KIF24: variants seen among roughly 807,000 people sequenced by gnomAD.
The protein encoded by KIF24 is kinesin-like protein KIF24.
In KIF24, 81 loss-of-function variants were observed where a neutral mutation model predicts 118.9. That is an observed-to-expected ratio of 0.68 (90% CI 0.57 to 0.82). The LOEUF (loss-of-function observed/expected upper bound fraction) is 0.82. Among genes scored for constraint, KIF24 ranks in the 40% least tolerant of loss-of-function variants. The pLI, the probability that KIF24 is intolerant of heterozygous loss-of-function variation, is 0.00. For missense variants in KIF24, 1,560 were observed against 1,661.6 expected (o/e 0.94, Z 1.06); for synonymous variants, 599 against 610.0 (o/e 0.98, Z 0.27).
intron 6 of KIF24, among the ~76,000 whole-genome samples, chr9:34,279,394 C>T (rs750787342): frequency 1.2e-4 from 19 of 152,148 alleles, no homozygotes; most frequent in Non-Finnish European, 1.3e-4. Context: ...GGAATGAATA[C>T]CTCTGACTAT....
chr9:34,296,511 T>C (rs1001799438), intron 4 of KIF24, among the ~76,000 whole-genome samples: 7 of 150,124 alleles, frequency 4.7e-5, no homozygotes, highest in Non-Finnish European at 7.4e-5. Context: ...CACTCCAGCC[T>C]GGGCGACAGA....
chr9:34,293,644 C>A (rs1406114760), intron 4 of KIF24, among the ~76,000 whole-genome samples: 1 of 151,968 alleles, frequency 6.6e-6, no homozygotes, highest in Non-Finnish European at 1.5e-5. Context: ...GGCGTGGTGG[C>A]GGGCACCTGC....
intron 11 of KIF24, among the ~76,000 whole-genome samples, 180 bp downstream of exon 11, chr9:34,255,555 C>G (rs1408773616): frequency 1.3e-5 from 2 of 152,194 alleles, no homozygotes; most frequent in African/African-American, 4.8e-5. Flanking sequence ...ATTGCCTGGT[C>G]TGCTATCATT....
intron 8 of KIF24, among the ~76,000 whole-genome samples, chr9:34,268,990 T>C (rs985659155): frequency 6.6e-6 from 1 of 152,222 alleles, no homozygotes; most frequent in African/African-American, 2.4e-5. Flanking sequence ...TTAGCGGAGT[T>C]AACCATTCAG....
chr9:34,270,356 A>G (rs1248217610), intron 7 of KIF24, among the ~76,000 whole-genome samples: 1 of 151,736 alleles, frequency 6.6e-6, no homozygotes, highest in East Asian at 1.9e-4. Context: ...CTCTACTAAA[A>G]ATACAAAAAA....
chr9:34,279,622 T>A (rs935746282), intron 6 of KIF24, among the ~76,000 whole-genome samples: 2 of 152,226 alleles, frequency 1.3e-5, no homozygotes, highest in African/African-American at 4.8e-5. Context: ...CCCATTTGAA[T>A]AATGAAGCTA....
intron 8 of KIF24, among the ~76,000 whole-genome samples, 180 bp downstream of exon 8, chr9:34,269,077 T>C (rs1835401744): frequency 6.6e-6 from 1 of 152,194 alleles, no homozygotes; most frequent in Admixed American, 6.6e-5. Flanking sequence ...AAGAAAATAG[T>C]TGCCTAGAAT....
chr9:34,262,882 TG>T (rs1279486977), intron 9 of KIF24, among the ~76,000 whole-genome samples: 4 of 151,328 alleles, frequency 2.6e-5, no homozygotes, highest in Admixed American at 2.6e-4. Context: ...CAAAAAGTTT[TG>T]ATTTTTGAAG....
chr9:34,323,323 C>T (rs574758245), intron 1 of KIF24, among the ~76,000 whole-genome samples: 28 of 152,252 alleles, frequency 1.8e-4, no homozygotes, highest in South Asian at 1.0e-3. Flanking sequence ...CTACAATTCC[C>T]CTCAAGAGCC....
intron 1 of KIF24, among the ~76,000 whole-genome samples, chr9:34,323,258 G>GA (rs920874711): frequency 1.3e-5 from 2 of 151,772 alleles, no homozygotes; most frequent in African/African-American, 4.8e-5. Context: ...GTTTTTAACA[G>GA]AAAAAAAATA....
intron 6 of KIF24, among the ~76,000 whole-genome samples, chr9:34,280,007 G>A (rs552202262): frequency 7.2e-5 from 11 of 151,832 alleles, no homozygotes; most frequent in East Asian, 1.9e-4. Context: ...AGTGCCGGCC[G>A]GGCGCGGTGG....
intron 4 of KIF24, among the ~76,000 whole-genome samples, chr9:34,294,904 T>C (rs1182801933): frequency 6.6e-6 from 1 of 152,108 alleles, no homozygotes; most frequent in Non-Finnish European, 1.5e-5. Flanking sequence ...GTGATGAAAA[T>C]GTTCCATGTC....
chr9:34,303,961 C>T (rs1836820830), intron 3 of KIF24, among the ~76,000 whole-genome samples: 1 of 152,166 alleles, frequency 6.6e-6, no homozygotes, highest in Non-Finnish European at 1.5e-5. Context: ...CTTGTATTCA[C>T]TTACTGCCAA....
At chr9:34,301,405 C>T (rs1005399280) in intron 3 of KIF24, among the ~76,000 whole-genome samples, 4 of 152,030 alleles carry the variant, frequency 2.6e-5, no homozygotes, top group Non-Finnish European at 4.4e-5. Context: ...GCAGCCACCA[C>T]GCCCAACTAA....
intron 1 of KIF24, among the ~76,000 whole-genome samples, chr9:34,311,779 C>T (rs970279430): frequency 2.4e-4 from 35 of 147,794 alleles, no homozygotes; most frequent in Admixed American, 6.8e-4. Context: ...TATATATACA[C>T]ATATATATAC....
chr9:34,258,083 G>C, intron 10 of KIF24, 102 bp from the exon 11 acceptor site: 4 of 876,520 alleles, frequency 4.6e-6, no homozygotes, highest in Non-Finnish European at 7.2e-6. Context: ...AGTATTACAA[G>C]GATTGGGAGT....
At chr9:34,331,378 A>G (rs151224822), upstream of KIF24, among the ~76,000 whole-genome samples, 96 of 152,360 alleles carry the variant, frequency 6.3e-4, no homozygotes, top group African/African-American at 2.3e-3. Flanking sequence ...CATGCAAAGT[A>G]GGTGTTAACT....
intron 6 of KIF24, among the ~76,000 whole-genome samples, chr9:34,276,044 A>G (rs1414207957): frequency 6.6e-6 from 1 of 152,128 alleles, no homozygotes; most frequent in Non-Finnish European, 1.5e-5. Context: ...TCTGACTCCA[A>G]AGTCCATGTA....
intron 1 of KIF24, among the ~76,000 whole-genome samples, chr9:34,323,507 T>G (rs1475614629): frequency 1.3e-5 from 2 of 152,256 alleles, no homozygotes; most frequent in African/African-American, 4.8e-5. Context: ...GTAACCAATG[T>G]TGGGTTTAAA....
Sources: allele counts gnomAD v4.1 joint callset (sites outside exome capture counted in the v4.1 genomes callset), GRCh38; gene constraint gnomAD v4.1.1; transcripts MANE v1.5; gene names NCBI Gene and HGNC (gene_info 2026-07-23, HGNC 2026-07-21).